CABIN1: variants seen among roughly 807,000 people sequenced by gnomAD.
The protein encoded by CABIN1 is calcineurin-binding protein cabin-1.
A neutral mutation model predicts 227.7 loss-of-function variants in CABIN1; 133 were observed. The ratio of observed to expected loss-of-function variants is 0.58; its 90% CI spans 0.51 to 0.67. The LOEUF is 0.67. Ranked by LOEUF, CABIN1 falls within the 30% of genes least tolerant of loss-of-function variation. CABIN1 has a pLI of 0.00. For synonymous variants in CABIN1, 1,086 were observed against 1,155.1 expected, an observed-to-expected ratio of 0.94 and a Z score of 1.21; for missense variants, 2,408 against 2,852.5, an observed-to-expected ratio of 0.84 and a Z score of 3.55.
chr22:24,117,034 T>G (rs1202181111), intron 27 of CABIN1, among the ~76,000 whole-genome samples: 1 of 152,216 alleles, frequency 6.6e-6, no homozygotes, highest in African/African-American at 2.4e-5. Flanking sequence ...GGAAACGTGG[T>G]GTAGTCCTGT....
chr22:24,030,676 A>G (rs962069588), intron 1 of CABIN1, among the ~76,000 whole-genome samples: 1 of 152,034 alleles, frequency 6.6e-6, no homozygotes, highest in African/African-American at 2.4e-5. Context: ...TGATCATGGT[A>G]CTCAGGGAGC....
chr22:24,019,333 T>G (rs894164496), intron 1 of CABIN1, among the ~76,000 whole-genome samples: 5 of 151,856 alleles, frequency 3.3e-5, no homozygotes, highest in Admixed American at 6.6e-5. Flanking sequence ...GGTTTCACCA[T>G]GTTGGTCAGG....
At chr22:24,065,057 C>T (rs12169928) in intron 15 of CABIN1, among the ~76,000 whole-genome samples, 16,428 of 152,022 alleles carry the variant, frequency 0.11, 961 homozygotes, top group East Asian at 0.16. Flanking sequence ...GGGTGGTGGC[C>T]GGGCAGAGGG....
chr22:24,177,898 G>T lies in CABIN1; in HGVS notation c.6519+81G>T. 6.6e-7 allele frequency: 1 copy of T among 1,517,724 alleles called. No homozygotes were observed. The highest frequency in any genetic ancestry group is 1.2e-5 in the South Asian group (1 of 84,512). 94.0% of individuals were successfully genotyped at this position (1,517,724 alleles called of 1,614,324 possible). ...GGGGGCCTAGGATGGGGGTGGGGGTGGCAGGAGGGCCTGGGGTGTGGGTGA... is the reference window on the plus strand; with the variant it reads ...GGGGGCCTAGGATGGGGGTGGGGGTTGCAGGAGGGCCTGGGGTGTGGGTGA... On this transcript the variant is annotated intron_variant, in intron 36 of 36. Coordinates refer to ENST00000263119, the MANE Select transcript of CABIN1 (RefSeq NM_012295.4). This position sits in a 1 kb window ranked among gnomAD's most constrained non-coding sequence, Gnocchi z 4.4.
chr22:24,163,092 C>T (rs6004072), intron 29 of CABIN1, among the ~76,000 whole-genome samples: 216 of 152,218 alleles, frequency 1.4e-3, no homozygotes, highest in African/African-American at 5.0e-3. Flanking sequence ...TGTTTGCTGC[C>T]CTGGATGTGG....
intron 12 of CABIN1, among the ~76,000 whole-genome samples, chr22:24,060,709 T>C (rs1030513205): frequency 1.3e-5 from 2 of 152,014 alleles, no homozygotes; most frequent in Admixed American, 6.6e-5. Flanking sequence ...CCTCCTGGGC[T>C]CGGGTAGTCC....
intron 28 of CABIN1, among the ~76,000 whole-genome samples, chr22:24,133,408 G>T (rs1231842793): frequency 6.6e-6 from 1 of 152,242 alleles, no homozygotes; most frequent in Admixed American, 6.5e-5. Flanking sequence ...TGCAGGCCAA[G>T]AAGTGAGAGG....
intron 28 of CABIN1, among the ~76,000 whole-genome samples, chr22:24,124,076 G>A (rs1228257114): frequency 2.0e-5 from 3 of 152,248 alleles, no homozygotes; most frequent in African/African-American, 7.2e-5. Context: ...GCTTTTGGGG[G>A]AGGAGGAGAG....
chr22:24,073,226 T>A (rs1277865000), intron 18 of CABIN1, among the ~76,000 whole-genome samples: 1 of 152,214 alleles, frequency 6.6e-6, no homozygotes, highest in East Asian at 1.9e-4. Context: ...AGATTGCCTG[T>A]AATCTTATCA....
chr22:24,113,770 A>G lies in CABIN1; in HGVS notation c.4300+22A>G, dbSNP rs753941047. 1.9e-6 allele frequency: 3 copies of G among 1,613,104 alleles called. No homozygotes were observed. The Admixed American group carries it at 5.0e-5, about 27-fold the overall frequency. On this transcript the variant is annotated intron_variant, in intron 27 of 36. Coordinates refer to ENST00000263119, the MANE Select transcript of CABIN1 (RefSeq NM_012295.4). ...AGAGGTATGAAGCCCTAACTCGGTGAATTAGAACCACTTTGATGTCCTGTG... is the reference window on the plus strand; with the variant it reads ...AGAGGTATGAAGCCCTAACTCGGTGGATTAGAACCACTTTGATGTCCTGTG...
chr22:24,172,733 C>T (rs1480375265), intron 34 of CABIN1, among the ~76,000 whole-genome samples: 2 of 152,228 alleles, frequency 1.3e-5, no homozygotes, highest in Middle Eastern at 3.2e-3. Flanking sequence ...AGAGGCAGCG[C>T]TGCTACAGCC....
At chr22:24,096,889 G>A (rs2041925952) in intron 25 of CABIN1, among the ~76,000 whole-genome samples, 1 of 152,194 alleles carries the variant, frequency 6.6e-6, no homozygotes, top group African/African-American at 2.4e-5. Flanking sequence ...GCTGACCCCT[G>A]CCTGACTGGG....
At chr22:24,097,897 C>A in intron 25 of CABIN1, 117 bp from the exon 26 acceptor site, 1 of 1,339,148 alleles carries the variant, frequency 7.5e-7, no homozygotes, top group Non-Finnish European at 1.1e-6. Context: ...GGGTGGGGGC[C>A]ACCAGAGGTG....
chr22:24,132,036 T>C (rs953177690), intron 28 of CABIN1, among the ~76,000 whole-genome samples: 14 of 146,658 alleles, frequency 9.5e-5, no homozygotes, highest in Non-Finnish European at 2.1e-4. Context: ...TACTCCACCC[T>C]GGGTTACGGA....
At chr22:24,077,940 T>C (rs987348146) in intron 19 of CABIN1, among the ~76,000 whole-genome samples, 3 of 152,062 alleles carry the variant, frequency 2.0e-5, no homozygotes, top group Non-Finnish European at 4.4e-5. Flanking sequence ...TTTGAGGGAG[T>C]AGAAGTGAGT....
At chr22:24,170,156 A>G (rs1205800945) in intron 33 of CABIN1, 2 of 458,676 alleles carry the variant, frequency 4.4e-6, no homozygotes, top group African/African-American at 2.0e-5. Context: ...GCGCCTTGGT[A>G]TCTGCCGTGG....
At chr22:24,146,453 C>G (rs2045124469) in intron 29 of CABIN1, among the ~76,000 whole-genome samples, 1 of 152,146 alleles carries the variant, frequency 6.6e-6, no homozygotes, top group Non-Finnish European at 1.5e-5. Context: ...GGTCTGAAGG[C>G]CGCCCTGTCT....
At chr22:24,134,506 C>T in intron 29 of CABIN1, 91 bp downstream of exon 29, 1 of 1,070,416 alleles carries the variant, frequency 9.3e-7, no homozygotes, top group Non-Finnish European at 1.4e-6. Flanking sequence ...GTGGGTGTTC[C>T]CAGGGCCTCA....
At chr22:24,054,103 G>A (rs2038586935) in intron 8 of CABIN1, among the ~76,000 whole-genome samples, 1 of 152,218 alleles carries the variant, frequency 6.6e-6, no homozygotes, top group Admixed American at 6.5e-5. Context: ...TGCAGGGGGT[G>A]GTGTGAGAGG....
Sources: allele counts gnomAD v4.1 joint callset (sites outside exome capture counted in the v4.1 genomes callset), GRCh38; gene constraint gnomAD v4.1.1; non-coding constraint Gnocchi (gnomAD v3.1); transcripts MANE v1.5; gene names NCBI Gene and HGNC (gene_info 2026-07-23, HGNC 2026-07-21).